FRMPD1: variants seen among roughly 807,000 people sequenced by gnomAD.
FRMPD1 encodes FERM and PDZ domain-containing protein 1.
Under a neutral mutation model 117.8 loss-of-function variants are expected in FRMPD1, and 76 were observed. The observed-to-expected ratio is 0.65, with a 90% confidence interval of 0.54 to 0.78. The LOEUF (loss-of-function observed/expected upper bound fraction) is 0.78. FRMPD1 is among the 30% of genes least tolerant of loss of function. The pLI, the probability that FRMPD1 is intolerant of heterozygous loss-of-function variation, is 0.00. For synonymous variants in FRMPD1, 783 were observed against 770.4 expected (o/e 1.02, Z -0.27); for missense variants, 1,786 against 1,964.5 (o/e 0.91, Z 1.72).
chr9:37,692,730 A>G lies in FRMPD1; in HGVS notation c.89A>G (p.Asp30Gly). The G allele has an allele frequency of 1.9e-6, 3 of 1,612,314 alleles. No individual in the cohort carries two copies. Among genetic ancestry groups the G allele is most frequent in the Non-Finnish European group, 2.5e-6 (3 of 1,178,358 alleles). ...MVARWLRRSRDSSARAKVAAA... is the reference protein window; with the variant it reads ...MVARWLRRSRGSSARAKVAAA... ...GCAAGATGGCTTCGGCGCTCCCGGG[A>G]CAGCTCGGCCCGGTAAGCCTCCTGA... The change falls in exon 2 of 16, where the codon GAC becomes GGC. Residue 30 changes from aspartate to glycine, a missense_variant. Physicochemically the swap from Asp to Gly is moderately conservative, Grantham distance 94 (BLOSUM62 -1). Coordinates refer to ENST00000377765, the MANE Select transcript of FRMPD1 (RefSeq NM_014907.3).
intron 1 of FRMPD1, among the ~76,000 whole-genome samples, chr9:37,667,060 TGC>T: frequency 1.8e-5 from 2 of 109,572 alleles, no homozygotes; most frequent in East Asian, 3.1e-4. Flanking sequence ...AATTGAAGCA[TGC>T]TTTTTTTTTT....
At chr9:37,736,401 C>T (rs1824127915) in intron 13 of FRMPD1, among the ~76,000 whole-genome samples, 2 of 151,580 alleles carry the variant, frequency 1.3e-5, no homozygotes, top group African/African-American at 4.8e-5. Flanking sequence ...TGTGGTGGCT[C>T]ACGCTTGTAA....
chr9:37,699,330 T>C (rs1007863943), intron 2 of FRMPD1, among the ~76,000 whole-genome samples: 1 of 151,730 alleles, frequency 6.6e-6, no homozygotes, highest in African/African-American at 2.4e-5. Context: ...TCTTTTTTTT[T>C]TTTTTTTGAG....
chr9:37,615,352 C>A, the FRMPD1 span, among the ~76,000 whole-genome samples: 3 of 152,158 alleles, frequency 2.0e-5, no homozygotes, highest in Non-Finnish European at 4.4e-5. Context: ...CTCAGGTGAT[C>A]TACCCACCTC....
chr9:37,634,553 A>C, the FRMPD1 span, among the ~76,000 whole-genome samples: 1 of 152,108 alleles, frequency 6.6e-6, no homozygotes, highest in South Asian at 2.1e-4. Flanking sequence ...CTAATCTGGA[A>C]TGGTTGTTTT....
intron 1 of FRMPD1, among the ~76,000 whole-genome samples, chr9:37,677,193 G>C (rs2117889703): frequency 6.6e-6 from 1 of 152,342 alleles, no homozygotes; most frequent in Admixed American, 6.5e-5. Flanking sequence ...AGTCAGGACA[G>C]AGCCTTGATG....
chr9:37,746,820 C>T lies in FRMPD1; in HGVS notation c.*51C>T, dbSNP rs764398745. The T allele has an allele frequency of 2.4e-6, 3 of 1,247,742 alleles. No homozygotes were observed. Among genetic ancestry groups the T allele is most frequent in the African/African-American group, 1.5e-5 (1 of 67,618 alleles). The allele number at this position is 1,247,742 out of a possible 1,614,324, so 77.3% of individuals were successfully genotyped here. Reference sequence around the variant, plus strand: ...TGCCCTGTCCTGCCTTGGACACTTCCCTGAGAAGCCCCTTCCACTCTCCCA... The same window carrying T: ...TGCCCTGTCCTGCCTTGGACACTTCTCTGAGAAGCCCCTTCCACTCTCCCA... On this transcript the variant is annotated 3_prime_UTR_variant, in exon 16 of 16. Coordinates refer to ENST00000377765, the MANE Select transcript of FRMPD1 (RefSeq NM_014907.3).
chr9:37,668,686 C>A (rs62533871), intron 1 of FRMPD1: 1 of 152,030 alleles, frequency 6.6e-6, no homozygotes, highest in Non-Finnish European at 1.5e-5. Context: ...AATTGTGATA[C>A]CTTCTCCATA....
At position 37,708,542 on chromosome 9, in the gene FRMPD1, T is replaced by C. The variant is rs191847312; in HGVS notation, c.362+41T>C. 3.6e-4 allele frequency: 417 copies of C among 1,165,802 alleles called. 8 individuals carry two copies. In the Admixed American group the frequency reaches 7.0e-3, roughly 20 times the overall value. The allele number at this position is 1,165,802 out of a possible 1,614,324, so 72.2% of individuals were successfully genotyped here. ...CCATCATCTACAGAATTGCACAGATTATCAAAGAACAAAGATGGGCAACAG... is the reference window on the plus strand; with the variant it reads ...CCATCATCTACAGAATTGCACAGATCATCAAAGAACAAAGATGGGCAACAG... On this transcript the variant is annotated intron_variant, in intron 4 of 15. Coordinates refer to ENST00000377765, the MANE Select transcript of FRMPD1 (RefSeq NM_014907.3).
chr9:37,664,665 A>G (rs532155651), intron 1 of FRMPD1, among the ~76,000 whole-genome samples: 17 of 152,338 alleles, frequency 1.1e-4, no homozygotes, highest in African/African-American at 4.1e-4. Context: ...GCACACAGTA[A>G]AGATATTCTC....
chr9:37,620,984 C>A, the FRMPD1 span, among the ~76,000 whole-genome samples: 2 of 152,128 alleles, frequency 1.3e-5, no homozygotes, highest in African/African-American at 4.8e-5. Context: ...TAATTTAATT[C>A]TTTTCAGTTT....
chr9:37,730,181 C>T lies in FRMPD1; in HGVS notation c.738+328C>T, dbSNP rs768551561. 3.9e-5 allele frequency among the ~76,000 whole-genome samples: 6 copies of T among 152,300 alleles called. 1 individual carries two copies. In the East Asian group the frequency reaches 1.2e-3, roughly 29 times the overall value. On this transcript the variant is annotated intron_variant, in intron 8 of 15. Coordinates refer to ENST00000377765, the MANE Select transcript of FRMPD1 (RefSeq NM_014907.3). ...TTGCTTCTAGCTCTGATGATCTTCC[C>T]TTGCACCTGCTGCCTTTGAGCCATT...
chr9:37,719,032 G>A (rs777935741), intron 5 of FRMPD1, 37 bp from the exon 6 acceptor site: 2 of 1,231,252 alleles, frequency 1.6e-6, no homozygotes, highest in Admixed American at 3.4e-5. Flanking sequence ...TTTTATGAAA[G>A]CACTGTTCCA....
upstream of FRMPD1, among the ~76,000 whole-genome samples, chr9:37,646,917 A>T (rs1157398286): frequency 6.6e-6 from 1 of 152,226 alleles, no homozygotes; most frequent in Non-Finnish European, 1.5e-5. Context: ...CAGATGACAA[A>T]TGGCATACTC....
At chr9:37,638,022 T>TC in the FRMPD1 span, among the ~76,000 whole-genome samples, 3 of 81,076 alleles carry the variant, frequency 3.7e-5, no homozygotes, top group Admixed American at 1.4e-4. Context: ...CTTTCTTTCT[T>TC]TCTCTCTCTT....
intron 5 of FRMPD1, among the ~76,000 whole-genome samples, chr9:37,714,600 ATTTTATTTTATTTTATTTTATTTTG>A (rs1174614409): frequency 3.3e-3 from 228 of 69,394 alleles, no homozygotes; most frequent in African/African-American, 0.013. Context: ...ATTTTATTTT[ATTTTATTTTATTTTATTTTATTTTG>A]TTTTGTTTTA....
upstream of FRMPD1, among the ~76,000 whole-genome samples, chr9:37,648,932 G>A (rs1050833771): frequency 7.2e-5 from 11 of 152,122 alleles, no homozygotes; most frequent in African/African-American, 2.7e-4. Context: ...ATTGCCTGGT[G>A]AGAGTGAAGG....
the FRMPD1 span, among the ~76,000 whole-genome samples, chr9:37,631,306 A>G: frequency 2.2e-4 from 34 of 152,374 alleles, no homozygotes; most frequent in African/African-American, 7.9e-4. Flanking sequence ...GTACATAAAT[A>G]CAGATCTGGA....
chr9:37,634,929 G>A, the FRMPD1 span, among the ~76,000 whole-genome samples: 4 of 151,496 alleles, frequency 2.6e-5, no homozygotes, highest in Non-Finnish European at 4.4e-5. Flanking sequence ...CCCTCTCTGC[G>A]TCCATGTGTT....
Sources: allele counts gnomAD v4.1 joint callset (sites outside exome capture counted in the v4.1 genomes callset), GRCh38; gene constraint gnomAD v4.1.1; transcripts MANE v1.5; gene names NCBI Gene and HGNC (gene_info 2026-07-23, HGNC 2026-07-21).